Variants in OPCML observed in about 807,000 individuals in gnomAD.
The protein encoded by OPCML is opioid-binding protein/cell adhesion molecule.
A neutral mutation model predicts 37.8 loss-of-function variants in OPCML; 13 were observed. The observed-to-expected ratio is 0.34, with a 90% CI of 0.22 to 0.55. The LOEUF is 0.55. Among genes scored for constraint, OPCML ranks in the 20% least tolerant of loss-of-function variants. The probability of loss-of-function intolerance (pLI) is 0.91; values close to 1 mark genes in which losing one functional copy is unlikely to be tolerated. For synonymous variants in OPCML, 176 were observed against 168.8 expected (o/e 1.04, Z -0.33); for missense variants, 341 against 435.6 (o/e 0.78, Z 1.93).
intron 1 of OPCML, among the ~76,000 whole-genome samples, chr11:133,388,504 G>A (rs1347109724): frequency 6.6e-6 from 1 of 152,190 alleles, no homozygotes; most frequent in East Asian, 1.9e-4. Flanking sequence ...ACCAAGAAAA[G>A]CAAGCACTTC....
chr11:132,858,281 C>T (rs1009618438), intron 2 of OPCML, among the ~76,000 whole-genome samples: 30 of 152,182 alleles, frequency 2.0e-4, no homozygotes, highest in Admixed American at 2.6e-4. Context: ...ATGGCTGCAC[C>T]CGACTCAGTC....
At position 133,444,305 on chromosome 11, in the gene OPCML, C is replaced by G. The variant is rs546638889; in HGVS notation, c.61+87959G>C. On this transcript the variant is annotated intron_variant, in intron 1 of 7. Coordinates refer to ENST00000524381, the MANE Select transcript of OPCML (RefSeq NM_001012393.5). Reference sequence around the variant, plus strand: ...AGAAAAAAAGAGTTAGTTTCTTACTCTCAACAAGCTTAAAGCTATCAGAGT... The same window carrying G: ...AGAAAAAAAGAGTTAGTTTCTTACTGTCAACAAGCTTAAAGCTATCAGAGT... Among the ~76,000 whole-genome samples the G allele has an allele frequency of 2.6e-5, 4 of 152,288 alleles. No individual in the cohort carries two copies. In the South Asian group the frequency reaches 8.3e-4, roughly 32 times the overall value.
chr11:133,256,450 C>A (rs1565532757), intron 1 of OPCML, among the ~76,000 whole-genome samples: 1 of 152,062 alleles, frequency 6.6e-6, no homozygotes, highest in Non-Finnish European at 1.5e-5. Context: ...TATAGTAATG[C>A]CTCATTCATA....
intron 3 of OPCML, among the ~76,000 whole-genome samples, chr11:132,571,630 C>A (rs755386740): frequency 6.6e-6 from 1 of 152,166 alleles, no homozygotes; most frequent in Non-Finnish European, 1.5e-5. Flanking sequence ...GAGTACTATT[C>A]TATCATACAC....
rs151165896 is a variant in OPCML at position 133,510,565 on chromosome 11, T to C, written c.61+21699A>G. On this transcript the variant is annotated intron_variant, in intron 1 of 7. Coordinates refer to ENST00000524381, the MANE Select transcript of OPCML (RefSeq NM_001012393.5). Reference sequence around the variant, plus strand: ...TAAATACTTAAGGGACTGATATAAATGGAATCTGTACTTTAATAGCACTGC... The same window carrying C: ...TAAATACTTAAGGGACTGATATAAACGGAATCTGTACTTTAATAGCACTGC... 5.4e-4 allele frequency among the ~76,000 whole-genome samples: 82 copies of C among 152,340 alleles called. 1 individual carries two copies. Among genetic ancestry groups the C allele is most frequent in the Non-Finnish European group, 3.8e-4 (26 of 68,028 alleles).
intron 2 of OPCML, among the ~76,000 whole-genome samples, chr11:132,929,666 A>C (rs1945130979): frequency 6.6e-6 from 1 of 152,220 alleles, no homozygotes; most frequent in Admixed American, 6.5e-5. Context: ...AAAATCTTTC[A>C]CAAAATGTCA....
intron 1 of OPCML, among the ~76,000 whole-genome samples, chr11:133,337,995 T>C (rs1943781113): frequency 6.6e-6 from 1 of 151,880 alleles, no homozygotes; most frequent in Non-Finnish European, 1.5e-5. Context: ...CACAGGGCCG[T>C]CCTGTGTTGG....
At chr11:132,874,378 G>C (rs866185503) in intron 2 of OPCML, among the ~76,000 whole-genome samples, 8 of 151,132 alleles carry the variant, frequency 5.3e-5, no homozygotes, top group Non-Finnish European at 8.8e-5. Flanking sequence ...AGTAACTAGG[G>C]AACAATCTTT....
intron 1 of OPCML, among the ~76,000 whole-genome samples, chr11:132,970,365 T>C (rs1008704052): frequency 1.3e-5 from 2 of 152,218 alleles, no homozygotes; most frequent in Non-Finnish European, 2.9e-5. Context: ...ATCATACAAA[T>C]AAAAATGCAA....
At chr11:132,642,031 C>A (rs1940879328) in intron 3 of OPCML, among the ~76,000 whole-genome samples, 1 of 152,126 alleles carries the variant, frequency 6.6e-6, no homozygotes, top group Non-Finnish European at 1.5e-5. Context: ...TTGTCTTATT[C>A]TGGATGTGAT....
At chr11:133,076,475 A>G (rs1948622291) in intron 1 of OPCML, among the ~76,000 whole-genome samples, 1 of 152,168 alleles carries the variant, frequency 6.6e-6, no homozygotes, top group Non-Finnish European at 1.5e-5. Flanking sequence ...GATGTGAGGA[A>G]AGTAAGGCTT....
intron 1 of OPCML, among the ~76,000 whole-genome samples, chr11:133,099,442 CTTTT>C (rs35161811): frequency 1.7e-5 from 2 of 119,462 alleles, no homozygotes; most frequent in South Asian, 5.3e-4. Flanking sequence ...TTCTTTTTTT[CTTTT>C]TTTTTTTTTT....
At chr11:132,853,415 G>A (rs190425203) in intron 2 of OPCML, among the ~76,000 whole-genome samples, 13 of 152,226 alleles carry the variant, frequency 8.5e-5, no homozygotes, top group Admixed American at 6.5e-4. Context: ...TTACAAAATT[G>A]AGCATGGTAA....
At chr11:132,454,234 T>C (rs1390843112) in intron 4 of OPCML, among the ~76,000 whole-genome samples, 1 of 152,192 alleles carries the variant, frequency 6.6e-6, no homozygotes, top group East Asian at 1.9e-4. Flanking sequence ...GATGAGAGGG[T>C]CACCTTTAGC....
At chr11:133,222,596 G>T (rs1038963438) in intron 1 of OPCML, among the ~76,000 whole-genome samples, 5 of 152,194 alleles carry the variant, frequency 3.3e-5, no homozygotes, top group African/African-American at 1.2e-4. Flanking sequence ...ATAAACACCA[G>T]CCCAGCAGGT....
At chr11:133,242,440 C>T (rs1940765939) in intron 1 of OPCML, among the ~76,000 whole-genome samples, 1 of 152,102 alleles carries the variant, frequency 6.6e-6, no homozygotes, top group Admixed American at 6.5e-5. Context: ...TCTCACACTT[C>T]CAGAGGTAGG....
At chr11:133,403,919 A>G (rs4298915) in intron 1 of OPCML, among the ~76,000 whole-genome samples, 33,340 of 152,148 alleles carry the variant, frequency 0.22, 3,805 homozygotes, top group East Asian at 0.36. Context: ...TGTTAGATGT[A>G]TACACAAAAG....
chr11:132,539,978 T>C (rs1346080229), intron 3 of OPCML, among the ~76,000 whole-genome samples: 5 of 152,060 alleles, frequency 3.3e-5, no homozygotes, highest in Non-Finnish European at 7.4e-5. Context: ...ATAATGATGA[T>C]AATGGCAAGT....
At chr11:133,521,302 T>C (rs1437029257) in intron 1 of OPCML, among the ~76,000 whole-genome samples, 2 of 152,158 alleles carry the variant, frequency 1.3e-5, no homozygotes, top group African/African-American at 4.8e-5. Context: ...TGAGGCAAAG[T>C]CAGAGGCAAA....
Sources: allele counts gnomAD v4.1 joint callset (sites outside exome capture counted in the v4.1 genomes callset), GRCh38; gene constraint gnomAD v4.1.1; transcripts MANE v1.5; gene names NCBI Gene and HGNC (gene_info 2026-07-23, HGNC 2026-07-21).